PALLD: variants seen among roughly 807,000 people sequenced by gnomAD.
PALLD encodes the protein palladin.
Under a neutral mutation model 123.5 loss-of-function variants are expected in PALLD, and 61 were observed. The observed-to-expected ratio is 0.49, with a 90% CI of 0.40 to 0.61. The LOEUF is 0.61. PALLD is among the 20% of genes least tolerant of loss of function. The probability of loss-of-function intolerance (pLI) is 0.00; values close to 1 mark genes in which losing one functional copy is unlikely to be tolerated. For missense variants in PALLD, 1,273 were observed against 1,377.0 expected, an observed-to-expected ratio of 0.92 and a Z score of 1.20; for synonymous variants, 465 against 496.4, an observed-to-expected ratio of 0.94 and a Z score of 0.84.
chr4:168,864,106 CAT>C (rs1749905785), intron 10 of PALLD: 1 of 152,128 alleles, frequency 6.6e-6, no homozygotes, highest in Non-Finnish European at 1.5e-5. Flanking sequence ...CCACTATAGT[CAT>C]ATACATGTAT....
chr4:168,780,095 CA>C (rs1288684503), intron 10 of PALLD, among the ~76,000 whole-genome samples: 1 of 152,094 alleles, frequency 6.6e-6, no homozygotes, highest in Non-Finnish European at 1.5e-5. Context: ...GATGGGGTTT[CA>C]CCATGTTAGC....
At chr4:168,788,885 G>C (rs1336985450) in intron 10 of PALLD, among the ~76,000 whole-genome samples, 1 of 151,906 alleles carries the variant, frequency 6.6e-6, no homozygotes, top group Non-Finnish European at 1.5e-5. Context: ...AATGAGTAAA[G>C]CATGATTAAT....
At chr4:168,883,317 T>C (rs1252162915) in intron 10 of PALLD, among the ~76,000 whole-genome samples, 1 of 152,232 alleles carries the variant, frequency 6.6e-6, no homozygotes, top group African/African-American at 2.4e-5. Context: ...TCTTGGGCTC[T>C]TTTATATATT....
intron 8 of PALLD, among the ~76,000 whole-genome samples, chr4:168,692,867 T>C (rs1561407182): frequency 2.6e-5 from 4 of 152,350 alleles, no homozygotes; most frequent in Middle Eastern, 6.8e-3. Flanking sequence ...TAGGTGATGA[T>C]GATTTATCAA....
intron 10 of PALLD, among the ~76,000 whole-genome samples, chr4:168,782,528 T>C (rs1736069852): frequency 6.6e-6 from 1 of 152,178 alleles, no homozygotes; most frequent in Non-Finnish European, 1.5e-5. Flanking sequence ...CCATATGGAC[T>C]CTATAATAGG....
intron 1 of PALLD, among the ~76,000 whole-genome samples, chr4:168,502,933 G>A (rs1561179938): frequency 6.6e-6 from 1 of 152,176 alleles, no homozygotes; most frequent in Non-Finnish European, 1.5e-5. Context: ...TAGCTGAAGA[G>A]AGCATGTCCC....
intron 3 of PALLD, among the ~76,000 whole-genome samples, chr4:168,674,157 C>T (rs1042706291): frequency 6.6e-6 from 1 of 152,098 alleles, no homozygotes; most frequent in Non-Finnish European, 1.5e-5. Context: ...TCAAGTGATC[C>T]GCCCACCTTG....
chr4:168,855,582 T>C (rs1252327251), intron 10 of PALLD, among the ~76,000 whole-genome samples: 3 of 152,210 alleles, frequency 2.0e-5, no homozygotes, highest in Non-Finnish European at 2.9e-5. Context: ...CTGTGCAGTG[T>C]GTGACCTTGA....
chr4:168,708,384 C>T (rs189694471), intron 8 of PALLD, among the ~76,000 whole-genome samples: 24 of 152,210 alleles, frequency 1.6e-4, no homozygotes, highest in South Asian at 1.0e-3. Flanking sequence ...CTCCATTTTA[C>T]GGAGAAGAAC....
chr4:168,683,871 T>TAA lies in PALLD; in HGVS notation c.1260+768_1260+769insAA, dbSNP rs555213964. Among the ~76,000 whole-genome samples the TAA allele has an allele frequency of 5.9e-3, 892 of 152,162 alleles. 4 individuals are homozygous for TAA. The highest frequency in any genetic ancestry group is 0.015 in the South Asian group (73 of 4,814). ...TTATTACCTATTGAATGCTCAGGGG[T>TAA]GTTTCAGCCACTATAGAGGCCAATA... On this transcript the variant is annotated intron_variant, in intron 5 of 21. Transcript: ENST00000505667.
intron 10 of PALLD, among the ~76,000 whole-genome samples, chr4:168,809,652 C>G (rs2150731675): frequency 6.6e-6 from 1 of 152,080 alleles, no homozygotes; most frequent in East Asian, 1.9e-4. Flanking sequence ...CACTTGAGGT[C>G]CAGAAGTTCT....
intron 2 of PALLD, among the ~76,000 whole-genome samples, chr4:168,558,821 AC>A (rs1767582945): frequency 6.6e-6 from 1 of 152,182 alleles, no homozygotes. Context: ...ATCATAATCA[AC>A]ATTACAAAGG....
intron 15 of PALLD, among the ~76,000 whole-genome samples, chr4:168,905,565 A>G (rs1757554739): frequency 6.6e-6 from 1 of 152,100 alleles, no homozygotes; most frequent in African/African-American, 2.4e-5. Context: ...CAGAATGAAA[A>G]CAGATTATCC....
chr4:168,839,085 TG>T (rs1249927357), intron 10 of PALLD, among the ~76,000 whole-genome samples: 1 of 152,092 alleles, frequency 6.6e-6, no homozygotes, highest in Non-Finnish European at 1.5e-5. Context: ...CCCAAATAGC[TG>T]GGACTACAGG....
intron 10 of PALLD, among the ~76,000 whole-genome samples, chr4:168,853,119 G>A (rs1748041201): frequency 6.6e-6 from 1 of 152,232 alleles, no homozygotes; most frequent in South Asian, 2.1e-4. Flanking sequence ...ATAGGAAAAT[G>A]AGAAGTGAGA....
intron 10 of PALLD, among the ~76,000 whole-genome samples, chr4:168,768,097 G>T (rs968694): frequency 0.15 from 23,251 of 152,114 alleles, 2,001 homozygotes; most frequent in Non-Finnish European, 0.2. Flanking sequence ...CTTCCGTGAA[G>T]TTTACCCGAC....
intron 10 of PALLD, among the ~76,000 whole-genome samples, chr4:168,887,572 C>T (rs909790252): frequency 6.6e-6 from 1 of 152,214 alleles, no homozygotes; most frequent in Non-Finnish European, 1.5e-5. Context: ...TGGTCTACAT[C>T]GCACAGGCTT....
intron 10 of PALLD, among the ~76,000 whole-genome samples, chr4:168,801,118 G>T (rs1402422897): frequency 2.0e-5 from 3 of 152,156 alleles, no homozygotes; most frequent in Non-Finnish European, 2.9e-5. Context: ...GAAAATCAAG[G>T]AAATGATAAC....
At chr4:168,675,040 A>G (rs887239099) in intron 3 of PALLD, among the ~76,000 whole-genome samples, 14 of 152,226 alleles carry the variant, frequency 9.2e-5, no homozygotes, top group African/African-American at 3.1e-4. Flanking sequence ...TTTCCTATGT[A>G]AATAGGAAAG....
Sources: gnomAD v4.1 joint callset for allele counts (sites outside exome capture counted in the v4.1 genomes callset) on GRCh38, gnomAD v4.1.1 for gene constraint, MANE v1.5 for transcripts, NCBI Gene and HGNC (gene_info 2026-07-23, HGNC 2026-07-21) for gene names.